WWOX: variants seen among roughly 807,000 people sequenced by gnomAD.
The protein encoded by WWOX is WW domain-containing oxidoreductase.
A neutral mutation model predicts 46.2 loss-of-function variants in WWOX; 69 were observed. That is an observed-to-expected ratio of 1.49 (90% CI 1.23 to 1.82). The LOEUF (loss-of-function observed/expected upper bound fraction) is 1.82, where lower values mean the gene tolerates loss of function less well. WWOX is among the 40% of genes most tolerant of loss of function. The probability of loss-of-function intolerance (pLI) is 0.00; values close to 1 mark genes in which losing one functional copy is unlikely to be tolerated. For synonymous variants in WWOX, 359 were observed against 202.6 expected, an observed-to-expected ratio of 1.77 and a Z score of -6.56; for missense variants, 919 against 542.6, an observed-to-expected ratio of 1.69 and a Z score of -6.89.
chr16:78,585,748 G>A (rs2045186020), intron 8 of WWOX, among the ~76,000 whole-genome samples: 1 of 150,240 alleles, frequency 6.7e-6, no homozygotes, highest in African/African-American at 2.5e-5. Context: ...ACAGAGGCCT[G>A]GTTCTGGTCC....
chr16:78,922,728 A>G (rs138987417), intron 8 of WWOX, among the ~76,000 whole-genome samples: 3 of 151,956 alleles, frequency 2.0e-5, no homozygotes, highest in African/African-American at 4.8e-5. Context: ...AAGGATTCCA[A>G]CTTTCCCATT....
chr16:78,920,537 C>T (rs924837762), intron 8 of WWOX, among the ~76,000 whole-genome samples: 3 of 152,124 alleles, frequency 2.0e-5, no homozygotes, highest in South Asian at 4.1e-4. Flanking sequence ...ACGTAGAAAG[C>T]AGTTATTGTT....
chr16:78,168,301 C>T (rs1434205422), intron 5 of WWOX: 1 of 152,206 alleles, frequency 6.6e-6, no homozygotes, highest in Non-Finnish European at 1.5e-5. Context: ...TTCATGTCTG[C>T]CTTTTAGCCA....
chr16:78,349,243 C>G (rs8057779), intron 5 of WWOX, among the ~76,000 whole-genome samples: 60,017 of 117,748 alleles, frequency 0.51, 23,503 homozygotes, highest in African/African-American at 0.65. Flanking sequence ...AAGGACACCA[C>G]TCAGATTGCA....
At chr16:78,412,188 G>A (rs1404795812) in intron 6 of WWOX, among the ~76,000 whole-genome samples, 3 of 152,172 alleles carry the variant, frequency 2.0e-5, no homozygotes, top group Non-Finnish European at 4.4e-5. Flanking sequence ...GAGACTAAAG[G>A]AGAAGATGGG....
chr16:78,787,912 T>C (rs1184163412), intron 8 of WWOX, among the ~76,000 whole-genome samples: 1 of 152,316 alleles, frequency 6.6e-6, no homozygotes, highest in East Asian at 1.9e-4. Context: ...TTGAGTATTT[T>C]TATGTGGTTA....
chr16:79,101,603 A>G (rs534432624), intron 8 of WWOX: 6 of 152,272 alleles, frequency 3.9e-5, no homozygotes, highest in African/African-American at 1.4e-4. Context: ...ATTCAAGCCA[A>G]TGCAGGAAGT....
intron 8 of WWOX, among the ~76,000 whole-genome samples, chr16:78,949,561 C>A (rs970721859): frequency 6.6e-6 from 1 of 152,212 alleles, no homozygotes; most frequent in Non-Finnish European, 1.5e-5. Flanking sequence ...CCAACCCCAA[C>A]ACATAATGCT....
intron 8 of WWOX, among the ~76,000 whole-genome samples, chr16:79,123,580 G>A (rs1017523159): frequency 6.6e-6 from 1 of 152,036 alleles, no homozygotes; most frequent in African/African-American, 2.4e-5. Flanking sequence ...AGACCCAGAA[G>A]GGTCTCATCT....
intron 8 of WWOX, among the ~76,000 whole-genome samples, chr16:78,808,882 G>C (rs1422471238): frequency 1.3e-5 from 2 of 152,086 alleles, no homozygotes; most frequent in Admixed American, 1.3e-4. Context: ...ATAGTTGTGT[G>C]GCTTGGTGGA....
At chr16:78,214,160 C>T (rs1223260583) in intron 5 of WWOX, among the ~76,000 whole-genome samples, 3 of 152,140 alleles carry the variant, frequency 2.0e-5, no homozygotes, top group Non-Finnish European at 1.5e-5. Flanking sequence ...ACCCCCTGGA[C>T]CCTCACGTCT....
chr16:78,697,220 G>C (rs947394584), intron 8 of WWOX, among the ~76,000 whole-genome samples: 2 of 152,178 alleles, frequency 1.3e-5, no homozygotes, highest in Non-Finnish European at 2.9e-5. Flanking sequence ...TCTACTTTTA[G>C]TTCTTCAAGA....
intron 8 of WWOX, among the ~76,000 whole-genome samples, chr16:78,593,702 C>T (rs556650441): frequency 6.8e-6 from 1 of 148,058 alleles, no homozygotes; most frequent in South Asian, 2.2e-4. Flanking sequence ...CAGCGTACAA[C>T]AGAGGAAAAC....
intron 8 of WWOX, among the ~76,000 whole-genome samples, chr16:79,005,892 G>A (rs1263955692): frequency 6.6e-6 from 1 of 152,184 alleles, no homozygotes; most frequent in Non-Finnish European, 1.5e-5. Context: ...CCTTGGTGAA[G>A]TTGCATGAGA....
rs1409757965 is a variant in WWOX at position 78,691,389 on chromosome 16, C to T, written c.1056+258637C>T. 4 of 667,110 alleles carry T rather than the reference C, an allele frequency of 6.0e-6. No homozygotes were observed. The East Asian group carries it at 1.1e-4, about 18-fold the overall frequency. 41.3% of individuals were successfully genotyped at this position (667,110 alleles called of 1,614,324 possible). ...ACAGAAAGGAAATCTCCTAAGTTGG[C>T]CTACAGGGTGCTTTAGAAAACATCT... is the stretch of plus-strand genomic sequence containing the variant. On this transcript the variant is annotated intron_variant, in intron 8 of 8. Coordinates refer to ENST00000566780, the MANE Select transcript of WWOX (RefSeq NM_016373.4).
At chr16:78,733,272 T>C (rs1445685605) in intron 8 of WWOX, among the ~76,000 whole-genome samples, 3 of 151,916 alleles carry the variant, frequency 2.0e-5, no homozygotes, top group African/African-American at 7.3e-5. Flanking sequence ...CTGGGCAACA[T>C]AGGGAGATCA....
In WWOX at chr16:78,179,119, C is replaced by A. The variant is rs144558757; in HGVS notation, c.516+14830C>A. ...ATAGACATTTTTGGGGAGACAGAAA[C>A]ACAGAAATAATTCTGCAGTGCTTTA... On this transcript the variant is annotated intron_variant, in intron 5 of 8. Coordinates refer to ENST00000566780, the MANE Select transcript of WWOX (RefSeq NM_016373.4). 2.3e-3 allele frequency among the ~76,000 whole-genome samples: 350 copies of A among 152,228 alleles called. 2 individuals carry two copies. The highest frequency in any genetic ancestry group is 8.1e-3 in the African/African-American group (336 of 41,550).
At chr16:78,866,669 A>C (rs1283566775) in intron 8 of WWOX, among the ~76,000 whole-genome samples, 1 of 152,184 alleles carries the variant, frequency 6.6e-6, no homozygotes, top group African/African-American at 2.4e-5. Context: ...CTGGCTTGCA[A>C]CGTAGCCTGA....
chr16:78,581,210 G>C (rs901539020), intron 8 of WWOX, among the ~76,000 whole-genome samples: 2 of 152,034 alleles, frequency 1.3e-5, no homozygotes, highest in Non-Finnish European at 2.9e-5. Context: ...AGTTACATAT[G>C]GTCCTTTGAA....
Sources: gnomAD v4.1 joint callset for allele counts (sites outside exome capture counted in the v4.1 genomes callset) on GRCh38, gnomAD v4.1.1 for gene constraint, MANE v1.5 for transcripts, NCBI Gene and HGNC (gene_info 2026-07-23, HGNC 2026-07-21) for gene names.